Variants in ELP4 observed in about 807,000 individuals in gnomAD.
The protein encoded by ELP4 is elongator complex protein 4.
A neutral mutation model predicts 48.9 loss-of-function variants in ELP4; 51 were observed. That is an observed-to-expected ratio of 1.04 (90% CI 0.83 to 1.32). The LOEUF is 1.32. Ranked by LOEUF, ELP4 falls within the 40% of genes most tolerant of loss-of-function variation. The probability of loss-of-function intolerance (pLI) is 0.00; values close to 1 mark genes in which losing one functional copy is unlikely to be tolerated. For missense variants in ELP4, 519 were observed against 514.6 expected (o/e 1.01, Z -0.08); for synonymous variants, 210 against 189.2 (o/e 1.11, Z -0.90).
intron 3 of ELP4, among the ~76,000 whole-genome samples, chr11:31,574,817 C>T (rs1957245769): frequency 6.6e-6 from 1 of 152,138 alleles, no homozygotes; most frequent in Non-Finnish European, 1.5e-5. Context: ...TAGATAAAAC[C>T]ACAAATATCT....
chr11:31,572,091 A>G (rs1202331485), intron 3 of ELP4, among the ~76,000 whole-genome samples: 1 of 152,216 alleles, frequency 6.6e-6, no homozygotes. Flanking sequence ...GTCCTAGACA[A>G]TATCTTCTTC....
At chr11:31,782,923 A>G (rs1289308074) in intron 9 of ELP4, among the ~76,000 whole-genome samples, 1 of 152,222 alleles carries the variant, frequency 6.6e-6, no homozygotes, top group Non-Finnish European at 1.5e-5. Flanking sequence ...CAACTAATAG[A>G]CAAAGACAAA....
In ELP4 at chr11:31,603,805, A is replaced by G. The variant is rs566381038; in HGVS notation, c.551A>G (p.Tyr184Cys). 1 of 1,611,230 alleles carries G rather than the reference A, an allele frequency of 6.2e-7. No homozygotes were observed. Among genetic ancestry groups the G allele is most frequent in the South Asian group, 1.1e-5 (1 of 90,810 alleles). The part of the protein sequence containing the change: ...PVSSSRFGHY[Y>C]DASKRMPQEL... ...TCATCTTCAAGATTTGGTCACTATT[A>G]TGATGCATCAAAAAGAATGCCACAA... is the stretch of plus-strand genomic sequence containing the variant. Residue 184 changes from tyrosine (Y) to cysteine (C), a missense_variant, in exon 5 of 10, where the codon TAT becomes TGT. Tyr to Cys is a radical substitution (Grantham distance 194). Transcript: ENST00000640961.
intron 2 of ELP4, among the ~76,000 whole-genome samples, chr11:31,528,925 G>A (rs1344523671): frequency 1.3e-5 from 2 of 152,028 alleles, no homozygotes; most frequent in African/African-American, 4.8e-5. Context: ...GTGTGTTTTA[G>A]TGTTGTCATA....
intron 3 of ELP4, among the ~76,000 whole-genome samples, chr11:31,549,233 C>T (rs1479388918): frequency 6.6e-6 from 1 of 151,512 alleles, no homozygotes; most frequent in Admixed American, 6.6e-5. Flanking sequence ...TCGCAACCTA[C>T]TCATCTGACA....
intron 9 of ELP4, among the ~76,000 whole-genome samples, chr11:31,758,950 A>G (rs1351282861): frequency 6.6e-6 from 1 of 152,096 alleles, no homozygotes; most frequent in Non-Finnish European, 1.5e-5. Flanking sequence ...AATTTTTAAA[A>G]CGTTTAATGA....
At chr11:31,718,505 T>C (rs1286740683) in intron 9 of ELP4, among the ~76,000 whole-genome samples, 3 of 152,174 alleles carry the variant, frequency 2.0e-5, no homozygotes, top group Non-Finnish European at 1.5e-5. Context: ...GGCATGCTTG[T>C]TGGATGCACT....
chr11:31,772,729 A>G (rs772302605), intron 9 of ELP4, among the ~76,000 whole-genome samples: 1 of 152,190 alleles, frequency 6.6e-6, no homozygotes, highest in African/African-American at 2.4e-5. Context: ...GAAGTTTGAA[A>G]ATGAAGTTTT....
At chr11:31,699,606 C>T (rs1946478703) in intron 9 of ELP4, among the ~76,000 whole-genome samples, 1 of 152,106 alleles carries the variant, frequency 6.6e-6, no homozygotes, top group African/African-American at 2.4e-5. Flanking sequence ...TGAGGCCTGG[C>T]TTGTGGGTTT....
intron 5 of ELP4, among the ~76,000 whole-genome samples, chr11:31,606,317 T>G (rs1402011038): frequency 6.6e-6 from 1 of 152,142 alleles, no homozygotes. Flanking sequence ...AAATGAACTT[T>G]ACTGGTTCAT....
At chr11:31,699,572 C>T (rs1367426513) in intron 9 of ELP4, among the ~76,000 whole-genome samples, 4 of 152,086 alleles carry the variant, frequency 2.6e-5, no homozygotes, top group Non-Finnish European at 5.9e-5. Context: ...TAGTTCAATT[C>T]AGATGGAAGT....
intron 3 of ELP4, 147 bp downstream of exon 3, chr11:31,539,930 A>G (rs1956566139): frequency 4.8e-6 from 3 of 621,908 alleles, no homozygotes; most frequent in South Asian, 1.3e-4. Flanking sequence ...ATCTCAGTAA[A>G]AAGTATCAAA....
At chr11:31,670,487 A>C (rs1945785334) in intron 9 of ELP4, among the ~76,000 whole-genome samples, 1 of 152,158 alleles carries the variant, frequency 6.6e-6, no homozygotes, top group African/African-American at 2.4e-5. Context: ...ATTCCTTTAG[A>C]AGATTTGCAG....
chr11:31,545,082 C>G (rs1057436859), intron 3 of ELP4, among the ~76,000 whole-genome samples: 1 of 152,122 alleles, frequency 6.6e-6, no homozygotes, highest in African/African-American at 2.4e-5. Flanking sequence ...CAGAGCACCT[C>G]TCCTCCTCAA....
At chr11:31,719,993 T>C (rs1247345202) in intron 9 of ELP4, 2 of 152,288 alleles carry the variant, frequency 1.3e-5, no homozygotes, top group Non-Finnish European at 2.9e-5. Context: ...TGGAATGGCC[T>C]TTTGTAAAAA....
At chr11:31,695,819 C>T (rs187210611) in intron 9 of ELP4, among the ~76,000 whole-genome samples, 101,795 of 110,396 alleles carry the variant, frequency 0.92, 47,642 homozygotes, top group South Asian at 1. Flanking sequence ...GGTTGGTAAG[C>T]TATTGATTAT....
rs1565084220 is a variant in ELP4, at chr11:31,623,379, AT to A, written c.654-3730del. On this transcript the variant is annotated intron_variant, in intron 5 of 9. Transcript: ENST00000640961. Reference sequence around the variant, plus strand: ...AATATATATATATATATATATATATATATATATATATAAAACTAGAAACATT... The same window carrying A: ...AATATATATATATATATATATATATAATATATATATAAAACTAGAAACATT... Among the ~76,000 whole-genome samples the A allele has an allele frequency of 3.2e-3, 231 of 72,630 alleles. 12 individuals carry two copies. In the East Asian group the frequency reaches 0.043, roughly 14 times the overall value. The allele number at this position is 72,630 out of a possible 152,430, so 47.6% of individuals were successfully genotyped here.
At chr11:31,514,027 A>G (rs1346627564) in intron 1 of ELP4, among the ~76,000 whole-genome samples, 2 of 152,194 alleles carry the variant, frequency 1.3e-5, no homozygotes, top group Non-Finnish European at 2.9e-5. Flanking sequence ...TAATTGTGTC[A>G]TAATTATTGA....
chr11:31,525,565 G>A (rs1956283537), intron 2 of ELP4, among the ~76,000 whole-genome samples: 1 of 152,152 alleles, frequency 6.6e-6, no homozygotes, highest in Admixed American at 6.6e-5. Context: ...TATCAACAGA[G>A]TATGCCTATG....
Sources: gnomAD v4.1 joint callset for allele counts (sites outside exome capture counted in the v4.1 genomes callset) on GRCh38, gnomAD v4.1.1 for gene constraint, MANE v1.5 for transcripts, NCBI Gene and HGNC (gene_info 2026-07-23, HGNC 2026-07-21) for gene names.